MIDEAS: variants seen among roughly 807,000 people sequenced by gnomAD.
MIDEAS encodes mitotic deacetylase associated SANT domain protein.
Under a neutral mutation model 102.7 loss-of-function variants are expected in MIDEAS, and 26 were observed. The ratio of observed to expected loss-of-function variants is 0.25; its 90% CI spans 0.19 to 0.35. The LOEUF is 0.35. Ranked by LOEUF, MIDEAS falls within the 10% of genes least tolerant of loss-of-function variation. The probability of loss-of-function intolerance (pLI) is 1.00; values close to 1 mark genes in which losing one functional copy is unlikely to be tolerated. For missense variants in MIDEAS, 1,231 were observed against 1,435.6 expected (o/e 0.86, Z 2.30); for synonymous variants, 585 against 591.0 (o/e 0.99, Z 0.15).
Position 73,719,462 on chromosome 14 carries a change from C to T in MIDEAS, c.2977G>A (p.Ala993Thr). The T allele has an allele frequency of 6.2e-7, 1 of 1,613,996 alleles. No individual in the cohort carries two copies. Among genetic ancestry groups the T allele is most frequent in the African/African-American group, 1.3e-5 (1 of 75,030 alleles). ...GCCTGGCCACCGGCAGACCCAGGGG[C>T]GTTGGACTCGTGGCTCCGGAGGATG... ...ILILRSHESN[A>T]PGSAGGQASE... Residue 993 changes from alanine (A) to threonine (T), a missense_variant, in exon 12 of 13, where the codon GCC becomes ACC. Ala to Thr is a moderately conservative substitution (Grantham distance 58). Around this residue, in one of 5 missense-constraint regions of MIDEAS, gnomAD observed 391 missense variants for 483.0 expected, o/e 0.81. Coordinates refer to ENST00000423556, the MANE Select transcript of MIDEAS (RefSeq NM_001367710.1).
intron 1 of MIDEAS, among the ~76,000 whole-genome samples, chr14:73,783,390 C>T (rs1237835390): frequency 2.6e-5 from 4 of 152,138 alleles, no homozygotes; most frequent in African/African-American, 9.7e-5. Flanking sequence ...GGTAGGAATT[C>T]TTGCCATCAG....
At chr14:73,719,544 C>T (rs1372409176) in intron 11 of MIDEAS, 43 bp from the exon 12 acceptor site, 7 of 1,585,860 alleles carry the variant, frequency 4.4e-6, no homozygotes, top group African/African-American at 1.3e-5. Flanking sequence ...TCTGAGCAAG[C>T]GCAGATCTGG....
chr14:73,785,720 G>T (rs1384606648), intron 1 of MIDEAS, among the ~76,000 whole-genome samples: 1 of 152,066 alleles, frequency 6.6e-6, no homozygotes, highest in Non-Finnish European at 1.5e-5. Flanking sequence ...TCCTACTGAC[G>T]TCATCCCACA....
chr14:73,764,179 A>G (rs563682110), upstream of MIDEAS, among the ~76,000 whole-genome samples: 21 of 152,010 alleles, frequency 1.4e-4, no homozygotes, highest in African/African-American at 4.8e-4. Context: ...GTCTCCACCA[A>G]AAATACAAAA....
In MIDEAS at chr14:73,719,402, G is replaced by A; in HGVS notation, c.3037C>T (p.Arg1013Ter). ...EKPREGTGKSRRALPFSEKKK... is the reference protein window; with the variant it reads ...EKPREGTGKS ...TTCTCTGAAAAAGGTAGTGCCCTTC[G>A]TGACTTCCCTGTCCCTTCCCTTGGC... The change falls in exon 12 of 13, where the codon CGA becomes TGA. Residue 1013 changes from arginine (R) to a stop codon, truncating the protein, a stop_gained. Coordinates refer to ENST00000423556, the MANE Select transcript of MIDEAS (RefSeq NM_001367710.1). LOFTEE classifies it high-confidence loss of function. 6.2e-7 allele frequency: 1 copy of A among 1,613,998 alleles called. No homozygotes were observed. Among genetic ancestry groups the A allele is most frequent in the Non-Finnish European group, 8.5e-7 (1 of 1,179,984 alleles).
At chr14:73,764,490 G>A (rs2053578934), upstream of MIDEAS, among the ~76,000 whole-genome samples, 1 of 151,990 alleles carries the variant, frequency 6.6e-6, no homozygotes, top group African/African-American at 2.4e-5. Context: ...CTCATCAGGG[G>A]TGTCCTCCAA....
rs549973851 is a variant in MIDEAS, at chr14:73,728,868, C to G, written c.2095+772G>C. 3 of 152,504 alleles carry G rather than the reference C, an allele frequency of 2.0e-5. No homozygotes were observed. The South Asian group carries it at 6.2e-4, about 32-fold the overall frequency. The allele number at this position is 152,504 out of a possible 1,614,324, so 9.4% of individuals were successfully genotyped here. A position where few individuals can be genotyped will look rare whatever the true frequency, so the allele number is the denominator to read the frequency against. On this transcript the variant is annotated intron_variant, in intron 4 of 12. Coordinates refer to ENST00000423556, the MANE Select transcript of MIDEAS (RefSeq NM_001367710.1). ...GGAGAAGCCTCCCCAGGAAGCAGTACAGAAGGCTGGCCAGCCTAGGGCAAA... is the reference window on the plus strand; with the variant it reads ...GGAGAAGCCTCCCCAGGAAGCAGTAGAGAAGGCTGGCCAGCCTAGGGCAAA...
chr14:73,758,532 C>G (rs1307582035), intron 1 of MIDEAS, among the ~76,000 whole-genome samples: 1 of 152,240 alleles, frequency 6.6e-6, no homozygotes, highest in African/African-American at 2.4e-5. Context: ...CCAGCCGCAG[C>G]TGCCAACAGG....
chr14:73,756,567 A>G (rs868602142), intron 1 of MIDEAS, among the ~76,000 whole-genome samples: 3 of 152,186 alleles, frequency 2.0e-5, no homozygotes, highest in Non-Finnish European at 4.4e-5. Flanking sequence ...CTCCAACAGA[A>G]TGCGGCCACT....
Position 73,772,794 on chromosome 14 carries a change from A to AGTGTGTGTGTGTGT in MIDEAS, c.-248+14294_-248+14307dup, listed in dbSNP as rs61402555. 5.7e-3 allele frequency among the ~76,000 whole-genome samples: 777 copies of AGTGTGTGTGTGTGT among 135,710 alleles called. 14 individuals are homozygous for AGTGTGTGTGTGTGT. The highest frequency in any genetic ancestry group is 0.019 in the African/African-American group (663 of 35,434). 89.0% of individuals were successfully genotyped at this position (135,710 alleles called of 152,430 possible). On this transcript the variant is annotated intron_variant, in intron 1 of 11. Transcript: ENST00000394071. ...ACATTTTCTTACAGCTTCAAGTTCTAGTGTGTGTGTGTGTGTGTGTGTGTG... is the reference window on the plus strand; with the variant it reads ...ACATTTTCTTACAGCTTCAAGTTCTAGTGTGTGTGTGTGTGTGTGTGTGTGTGTGTGTGTGTGTG...
chr14:73,738,891 C>T lies in MIDEAS; in HGVS notation c.1118G>A (p.Gly373Asp), dbSNP rs201766970. The T allele has an allele frequency of 5.8e-6, 9 of 1,547,264 alleles. No homozygotes were observed. Among genetic ancestry groups the T allele is most frequent in the Non-Finnish European group, 7.8e-6 (9 of 1,146,814 alleles). ...GGGCCAGTGATGTAGGAACAGGTTGCCAGTGGCCTCCTGCCCAGGCTGGGT... is the reference window on the plus strand; with the variant it reads ...GGGCCAGTGATGTAGGAACAGGTTGTCAGTGGCCTCCTGCCCAGGCTGGGT... The part of the protein sequence containing the change: ...AGTQPGQEAT[G>D]NLFLHHWPLQ... The change falls in exon 2 of 13, where the codon GGC becomes GAC. Residue 373 changes from glycine (G) to aspartate (D), a missense_variant. By Grantham distance (94) the Gly-to-Asp change is moderately conservative (BLOSUM62 -1). Coordinates refer to ENST00000423556, the MANE Select transcript of MIDEAS (RefSeq NM_001367710.1).
intron 3 of MIDEAS, among the ~76,000 whole-genome samples, chr14:73,733,135 C>G (rs142012949): frequency 6.6e-6 from 1 of 152,008 alleles, no homozygotes; most frequent in African/African-American, 2.4e-5. Flanking sequence ...GTTTAGGGCT[C>G]GCCAAGGAAG....
intron 1 of MIDEAS, among the ~76,000 whole-genome samples, chr14:73,753,332 C>T (rs961107114): frequency 8.6e-5 from 13 of 152,000 alleles, no homozygotes; most frequent in Admixed American, 7.9e-4. Flanking sequence ...GCACTTCATA[C>T]CAAGGATCAA....
At chr14:73,730,166 T>C in intron 3 of MIDEAS, 181 bp from the exon 4 acceptor site, 2 of 736,322 alleles carry the variant, frequency 2.7e-6, no homozygotes, top group Non-Finnish European at 5.0e-6. Flanking sequence ...AGGGCAGAAG[T>C]CAGCAAACTT....
At position 73,718,875 on chromosome 14, in the gene MIDEAS, G is replaced by T. The variant is rs1458280236; in HGVS notation, c.3268C>A (p.Arg1090=). The change falls in exon 13 of 13, where the codon CGG becomes AGG. Residue 1090 remains arginine (R), a synonymous_variant. Transcript: ENST00000423556. ...AAAAAHQQAL[R]EESGAGDKG is the part of the protein sequence containing the mutation. ...TTGTCGCCCGCACCGCTCTCCTCCC[G>T]CAGGGCCTGCTGGTGGGCGGCGGCG... 1.3e-6 allele frequency: 2 copies of T among 1,512,402 alleles called. No homozygotes were observed. The highest frequency in any genetic ancestry group is 1.8e-6 in the Non-Finnish European group (2 of 1,136,860). The allele number at this position is 1,512,402 out of a possible 1,614,324, so 93.7% of individuals were successfully genotyped here.
In MIDEAS at chr14:73,776,300, G is replaced by T. The variant is rs114346723; in HGVS notation, c.-248+10802C>A. 1.6e-3 allele frequency among the ~76,000 whole-genome samples: 236 copies of T among 152,066 alleles called. 1 individual carries two copies. The highest frequency in any genetic ancestry group is 5.4e-3 in the African/African-American group (226 of 41,544). On this transcript the variant is annotated intron_variant, in intron 1 of 11. Coordinates refer to the MIDEAS transcript ENST00000394071. ...CCAGAGGAGAATTCCAATTACTAATGAAACACTCAGATCTTCTGGGCACAT... is the reference window on the plus strand; with the variant it reads ...CCAGAGGAGAATTCCAATTACTAATTAAACACTCAGATCTTCTGGGCACAT...
intron 1 of MIDEAS, among the ~76,000 whole-genome samples, chr14:73,780,323 A>G (rs928263439): frequency 6.6e-6 from 1 of 152,176 alleles, no homozygotes; most frequent in South Asian, 2.1e-4. Context: ...GAGGTGATGG[A>G]AAGGGTCAGG....
At chr14:73,761,247 C>T (rs2053552244), upstream of MIDEAS, among the ~76,000 whole-genome samples, 1 of 152,180 alleles carries the variant, frequency 6.6e-6, no homozygotes, top group South Asian at 2.1e-4. Context: ...GCATCCCTCA[C>T]TTTCTCAGGG....
At position 73,739,164 on chromosome 14, in the gene MIDEAS, G is replaced by A. The variant is rs759745674; in HGVS notation, c.845C>T (p.Ser282Leu). Residue 282 changes from serine (S) to leucine (L), a missense_variant, in exon 2 of 13, where the codon TCG becomes TTG. Ser to Leu is a moderately radical substitution (Grantham distance 145). Around this residue, in one of 5 missense-constraint regions of MIDEAS, gnomAD observed 758 missense variants for 856.0 expected, o/e 0.89. Coordinates refer to ENST00000423556, the MANE Select transcript of MIDEAS (RefSeq NM_001367710.1). ...ENFYSMPQQP[S>L]QQPQDFGLQP... ...CAGGCCAAAGTCCTGGGGTTGCTGC[G>A]AGGGTTGCTGCGGCATGGAATAGAA... is the stretch of plus-strand genomic sequence containing the variant. 2.4e-5 allele frequency: 39 copies of A among 1,613,774 alleles called. No individual in the cohort carries two copies. Among genetic ancestry groups the A allele is most frequent in the South Asian group, 8.8e-5 (8 of 91,086 alleles).
Sources: allele counts gnomAD v4.1 joint callset (sites outside exome capture counted in the v4.1 genomes callset), GRCh38; gene constraint gnomAD v4.1.1; regional missense constraint gnomAD v4.1.1; transcripts MANE v1.5; gene names NCBI Gene and HGNC (gene_info 2026-07-23, HGNC 2026-07-21).